TTF1: variants seen among roughly 807,000 people sequenced by gnomAD.
The protein encoded by TTF1 is transcription termination factor, RNA polymerase I.
A neutral mutation model predicts 80.2 loss-of-function variants in TTF1; 64 were observed. That is an observed-to-expected ratio of 0.80 (90% CI 0.65 to 0.98). TTF1 has a LOEUF of 0.98. Ranked by LOEUF, TTF1 falls within the 50% of genes least tolerant of loss-of-function variation. TTF1 has a pLI of 0.00. For missense variants in TTF1, 1,023 were observed against 1,086.2 expected, an observed-to-expected ratio of 0.94 and a Z score of 0.82; for synonymous variants, 372 against 382.7, an observed-to-expected ratio of 0.97 and a Z score of 0.33.
chr9:132,399,164 A>G (rs1430692973), intron 3 of TTF1, among the ~76,000 whole-genome samples: 2 of 147,542 alleles, frequency 1.4e-5, no homozygotes, highest in African/African-American at 5.0e-5. Flanking sequence ...ATGCCACTGC[A>G]CTCCAGCCTG....
rs990142812 is a variant in TTF1, at chr9:132,390,054, C to T, written c.2222+543G>A. 8.5e-5 allele frequency among the ~76,000 whole-genome samples: 13 copies of T among 152,278 alleles called. 1 individual carries two copies. The highest frequency in any genetic ancestry group is 6.2e-4 in the South Asian group (3 of 4,824). ...GCAATGGGGCGATCTCAGCTCACTG[C>T]AACCTCCACTTCCTGGGTTCAAGCG... is the stretch of plus-strand genomic sequence containing the variant. On this transcript the variant is annotated intron_variant, in intron 7 of 10. Coordinates refer to ENST00000334270, the MANE Select transcript of TTF1 (RefSeq NM_007344.4).
intron 7 of TTF1, among the ~76,000 whole-genome samples, chr9:132,388,901 G>A (rs1849514791): frequency 2.0e-5 from 3 of 152,266 alleles, no homozygotes; most frequent in Admixed American, 6.5e-5. Context: ...TACATTCTTG[G>A]TAACGGAGAT....
rs544072878 is a variant in TTF1 at position 132,390,430 on chromosome 9, C to T, written c.2222+167G>A. Among the ~76,000 whole-genome samples the T allele has an allele frequency of 5.9e-5, 9 of 152,308 alleles. No homozygotes were observed. In the East Asian group the frequency reaches 9.6e-4, roughly 16 times the overall value. ...CTCTTCAATGCATCAGGGCTAGTTACGTGCTCATTTAAATCAGAGAGTGAT... is the reference window on the plus strand; with the variant it reads ...CTCTTCAATGCATCAGGGCTAGTTATGTGCTCATTTAAATCAGAGAGTGAT... On this transcript the variant is annotated intron_variant, in intron 7 of 10. Coordinates refer to ENST00000334270, the MANE Select transcript of TTF1 (RefSeq NM_007344.4).
intron 10 of TTF1, among the ~76,000 whole-genome samples, chr9:132,377,788 TGTG>T (rs1227714741): frequency 1.8e-5 from 2 of 111,192 alleles, no homozygotes; most frequent in African/African-American, 3.6e-5. Flanking sequence ...TGTGAGTGCA[TGTG>T]GTGTGTGTGC....
rs953029042 is a variant in TTF1 at position 132,386,649 on chromosome 9, T to C, written c.2313-28A>G. The C allele has an allele frequency of 6.3e-6, 10 of 1,582,700 alleles. No individual in the cohort carries two copies. The African/African-American group carries it at 1.1e-4, about 17-fold the overall frequency. ...GTGAGAAAAAATAAAAATTAAATTT[T>C]CAAGCAAAAATAATCATGATAGCCA... On this transcript the variant is annotated intron_variant, in intron 8 of 10. Transcript: ENST00000334270.
In TTF1 at chr9:132,384,651, T is replaced by TTCTG. The variant is rs1849427911; in HGVS notation, c.2378+1904_2378+1905insCAGA. ...CTTTTCACTGTGTTTCCTTTCAGGT[T>TTCTG]TCTTTCTTTCTTTCTTTTCTTTTGA... On this transcript the variant is annotated intron_variant, in intron 9 of 10. Coordinates refer to ENST00000334270, the MANE Select transcript of TTF1 (RefSeq NM_007344.4). The surrounding 1 kb of genome is among the most constrained non-coding windows in gnomAD (Gnocchi z 4.1). 6.6e-6 allele frequency among the ~76,000 whole-genome samples: 1 copy of TTCTG among 151,988 alleles called. No homozygotes were observed. Among genetic ancestry groups the TTCTG allele is most frequent in the South Asian group, 2.1e-4 (1 of 4,818 alleles).
At chr9:132,394,321 C>T (rs1319394187) in intron 5 of TTF1, among the ~76,000 whole-genome samples, 1 of 151,768 alleles carries the variant, frequency 6.6e-6, no homozygotes, top group Non-Finnish European at 1.5e-5. Context: ...GCTGTGTTTC[C>T]CAGGCTGGAG....
At chr9:132,378,376 GGTGT>G (rs144084682) in intron 10 of TTF1, among the ~76,000 whole-genome samples, 70,233 of 91,788 alleles carry the variant, frequency 0.77, 29,580 homozygotes, top group South Asian at 0.87. Context: ...GAATGCATGT[GGTGT>G]GTGTGAGTGC....
chr9:132,389,926 A>G (rs1165249900), intron 7 of TTF1, among the ~76,000 whole-genome samples: 1 of 152,176 alleles, frequency 6.6e-6, no homozygotes, highest in Non-Finnish European at 1.5e-5. Flanking sequence ...ACTGATCACT[A>G]CACTTGTGAT....
chr9:132,400,212 A>G lies in TTF1; in HGVS notation c.1414T>C (p.Ser472Pro), dbSNP rs775085069. 7.4e-6 allele frequency: 12 copies of G among 1,614,168 alleles called. No homozygotes were observed. The Admixed American group carries it at 1.8e-4, about 25-fold the overall frequency. Residue 472 changes from serine to proline, a missense_variant, in exon 3 of 11, where the codon TCC becomes CCC. By Grantham distance (74) the Ser-to-Pro change is moderately conservative. Transcript: ENST00000334270. ...EEHNVETAED[S>P]EIRYLSADSG... ...TCTGCAGATAAGTATCTTATTTCGG[A>G]ATCTTCAGCTGTTTCCACATTGTGT... is the stretch of plus-strand genomic sequence containing the variant.
intron 6 of TTF1, among the ~76,000 whole-genome samples, chr9:132,391,251 C>T (rs574298936): frequency 1.3e-5 from 2 of 152,274 alleles, no homozygotes; most frequent in East Asian, 3.9e-4. Flanking sequence ...GATACCAACA[C>T]AGTACTTGAT....
At chr9:132,386,113 G>A (rs894572363) in intron 9 of TTF1, among the ~76,000 whole-genome samples, 1 of 152,104 alleles carries the variant, frequency 6.6e-6, no homozygotes, top group African/African-American at 2.4e-5. Context: ...TGCCTGCCAA[G>A]GTCAACTCGA....
intron 9 of TTF1, among the ~76,000 whole-genome samples, chr9:132,382,339 T>C (rs887972826): frequency 6.6e-6 from 1 of 152,190 alleles, no homozygotes; most frequent in South Asian, 2.1e-4. Flanking sequence ...CCCACAGCCA[T>C]TTCTTACCAC....
chr9:132,405,062 AT>A (rs1306812005), intron 1 of TTF1, among the ~76,000 whole-genome samples: 1 of 149,492 alleles, frequency 6.7e-6, no homozygotes, highest in Non-Finnish European at 1.5e-5. Flanking sequence ...ATTTTTTTGT[AT>A]TTTTTAGTAG....
chr9:132,397,014 CA>C, intron 4 of TTF1, among the ~76,000 whole-genome samples: 1 of 152,150 alleles, frequency 6.6e-6, no homozygotes, highest in African/African-American at 2.4e-5. Flanking sequence ...GGATTACAGG[CA>C]TGAGCCACCG....
chr9:132,393,501 C>T (rs887876922), intron 5 of TTF1, among the ~76,000 whole-genome samples: 3 of 152,274 alleles, frequency 2.0e-5, no homozygotes, highest in African/African-American at 7.2e-5. Flanking sequence ...CAACCTATTC[C>T]TTTAATTCGG....
At chr9:132,394,864 G>A (rs1484548246) in intron 5 of TTF1, among the ~76,000 whole-genome samples, 1 of 150,658 alleles carries the variant, frequency 6.6e-6, no homozygotes, top group African/African-American at 2.4e-5. Context: ...CTGCACTCCA[G>A]TCTGGGTGAC....
At chr9:132,389,155 C>A (rs114821374) in intron 7 of TTF1, among the ~76,000 whole-genome samples, 175 of 151,850 alleles carry the variant, frequency 1.2e-3, no homozygotes, top group African/African-American at 3.9e-3. Flanking sequence ...ATGTCATCCT[C>A]CACTTGAGGC....
At chr9:132,388,263 C>A in intron 7 of TTF1, 35 bp from the exon 8 acceptor site, 4 of 1,480,144 alleles carry the variant, frequency 2.7e-6, no homozygotes, top group Non-Finnish European at 3.7e-6. Context: ...AGTTTACTTT[C>A]AAGGGTAGAG....
Sources: gnomAD v4.1 joint callset for allele counts (sites outside exome capture counted in the v4.1 genomes callset) on GRCh38, gnomAD v4.1.1 for gene constraint, Gnocchi (gnomAD v3.1) non-coding constraint, MANE v1.5 for transcripts, NCBI Gene and HGNC (gene_info 2026-07-23, HGNC 2026-07-21) for gene names.